UHRF2: variants seen among roughly 807,000 people sequenced by gnomAD.
The protein encoded by UHRF2 is E3 ubiquitin-protein ligase UHRF2.
UHRF2 carries 23 observed loss-of-function variants against 96.8 expected under a neutral mutation model. The observed-to-expected ratio is 0.24, with a 90% CI of 0.17 to 0.34. The LOEUF is 0.34. Among genes scored for constraint, UHRF2 ranks in the 10% least tolerant of loss-of-function variants. UHRF2 has a pLI of 1.00. For synonymous variants in UHRF2, 385 were observed against 332.6 expected (o/e 1.16, Z -1.72); for missense variants, 685 against 981.5 (o/e 0.70, Z 4.04).
At chr9:6,480,307 T>C (rs1823844343) in intron 6 of UHRF2, among the ~76,000 whole-genome samples, 1 of 152,232 alleles carries the variant, frequency 6.6e-6, no homozygotes, top group African/African-American at 2.4e-5. Flanking sequence ...CTTTCTGAAA[T>C]TCTTTCCGTA....
intron 3 of UHRF2, among the ~76,000 whole-genome samples, chr9:6,434,593 C>T (rs1820728838): frequency 6.6e-6 from 1 of 151,612 alleles, no homozygotes; most frequent in South Asian, 2.1e-4. Flanking sequence ...TGCATATCAC[C>T]ACGCCTGATT....
At chr9:6,480,222 G>C (rs1011814505) in intron 6 of UHRF2, among the ~76,000 whole-genome samples, 2 of 152,096 alleles carry the variant, frequency 1.3e-5, no homozygotes, top group Non-Finnish European at 2.9e-5. Flanking sequence ...GCTTTTCTTA[G>C]GTTATCTACT....
intron 3 of UHRF2, among the ~76,000 whole-genome samples, chr9:6,444,403 C>G (rs748386086): frequency 6.6e-6 from 1 of 152,176 alleles, no homozygotes; most frequent in Non-Finnish European, 1.5e-5. Flanking sequence ...TCACTTAGTA[C>G]TTAGAAAAAG....
chr9:6,481,887 C>T (rs1823949981), intron 7 of UHRF2, 105 bp from the exon 8 acceptor site: 1 of 1,535,288 alleles, frequency 6.5e-7, no homozygotes, highest in Non-Finnish European at 8.8e-7. Context: ...ATCAATGGTA[C>T]TTAAATTACA....
At chr9:6,460,535 T>G in intron 3 of UHRF2, 38 bp from the exon 4 acceptor site, 1 of 1,525,440 alleles carries the variant, frequency 6.6e-7, no homozygotes. Flanking sequence ...TTAGTTGTCT[T>G]TGGTAATCAT....
chr9:6,454,000 A>G (rs1408061884), intron 3 of UHRF2, among the ~76,000 whole-genome samples: 3 of 150,776 alleles, frequency 2.0e-5, no homozygotes, highest in African/African-American at 7.3e-5. Flanking sequence ...TTATTTCTGC[A>G]TAATAAAAAA....
intron 9 of UHRF2, among the ~76,000 whole-genome samples, chr9:6,488,672 TTG>T (rs1448088354): frequency 6.6e-6 from 1 of 151,034 alleles, no homozygotes; most frequent in South Asian, 2.1e-4. Context: ...CGGTTAATTT[TTG>T]TGTTTTTACT....
chr9:6,450,311 C>CT (rs922435663), intron 3 of UHRF2, among the ~76,000 whole-genome samples: 8 of 145,504 alleles, frequency 5.5e-5, no homozygotes, highest in African/African-American at 2.0e-4. Context: ...CCTTCCCCCC[C>CT]CCCCATTTAT....
intron 4 of UHRF2, chr9:6,468,854 T>C (rs968645750): frequency 1.9e-5 from 7 of 364,370 alleles, no homozygotes; most frequent in African/African-American, 1.5e-4. Context: ...TTAAAGACTG[T>C]AAACCAGCCT....
intron 3 of UHRF2, among the ~76,000 whole-genome samples, chr9:6,445,998 T>TTTTTTTC (rs772184475): frequency 3.1e-5 from 4 of 129,954 alleles, no homozygotes; most frequent in East Asian, 2.6e-4. Context: ...TTTTTTTTTT[T>TTTTTTTC]TTCCTGTTTT....
chr9:6,489,289 C>G (rs1824509424), intron 9 of UHRF2, among the ~76,000 whole-genome samples: 2 of 152,190 alleles, frequency 1.3e-5, no homozygotes, highest in South Asian at 2.1e-4. Flanking sequence ...GTGGATGTAC[C>G]ACAGTTCATT....
At chr9:6,440,527 A>G (rs928316306) in intron 3 of UHRF2, among the ~76,000 whole-genome samples, 1 of 152,174 alleles carries the variant, frequency 6.6e-6, no homozygotes, top group Non-Finnish European at 1.5e-5. Flanking sequence ...AGAGGTCAAC[A>G]TTTTATATAA....
chr9:6,431,761 A>T (rs1820574385), intron 2 of UHRF2, among the ~76,000 whole-genome samples: 1 of 152,170 alleles, frequency 6.6e-6, no homozygotes. Flanking sequence ...CAGCTATTAG[A>T]TCTGCCTGCT....
chr9:6,459,118 A>G (rs1416876289), intron 3 of UHRF2, among the ~76,000 whole-genome samples: 1 of 152,204 alleles, frequency 6.6e-6, no homozygotes, highest in African/African-American at 2.4e-5. Flanking sequence ...CCTAATGTAG[A>G]TGACAGGTTG....
chr9:6,495,156 A>T (rs1451774532), intron 10 of UHRF2: 1 of 152,204 alleles, frequency 6.6e-6, no homozygotes, highest in East Asian at 1.9e-4. Context: ...GCTTGAAAGG[A>T]ACTTCCTTCA....
In UHRF2 at chr9:6,420,778, G is replaced by C. The variant is rs1401038226; in HGVS notation, c.154-134G>C. On this transcript the variant is annotated intron_variant, in intron 1 of 15. Transcript: ENST00000276893. Reference sequence around the variant, plus strand: ...AGACACTGACATCAGAGGCCATTAAGTATTAAGAATGGTTTTAAAATCTCT... The same window carrying C: ...AGACACTGACATCAGAGGCCATTAACTATTAAGAATGGTTTTAAAATCTCT... 6 of 656,670 alleles carry C rather than the reference G, an allele frequency of 9.1e-6. No homozygotes were observed. In the African/African-American group the frequency reaches 1.1e-4, roughly 12 times the overall value. 40.7% of individuals were successfully genotyped at this position (656,670 alleles called of 1,614,324 possible). A position where few individuals can be genotyped will look rare whatever the true frequency, so the allele number is the denominator to read the frequency against.
intron 6 of UHRF2, among the ~76,000 whole-genome samples, chr9:6,480,148 C>T (rs982837397): frequency 7.9e-5 from 12 of 152,180 alleles, no homozygotes; most frequent in African/African-American, 2.9e-4. Flanking sequence ...TTGTCTTCCT[C>T]AAAGCATACC....
chr9:6,454,657 C>T (rs536580371), intron 3 of UHRF2, among the ~76,000 whole-genome samples: 14 of 152,144 alleles, frequency 9.2e-5, no homozygotes, highest in African/African-American at 3.1e-4. Flanking sequence ...TTACATAGTC[C>T]TTGTTTGATT....
intron 9 of UHRF2, among the ~76,000 whole-genome samples, chr9:6,493,017 C>G (rs1490362573): frequency 6.6e-6 from 1 of 151,900 alleles, no homozygotes; most frequent in African/African-American, 2.4e-5. Context: ...AATATGAAAG[C>G]CAGGGCGCAG....
Sources: gnomAD v4.1 joint callset for allele counts (sites outside exome capture counted in the v4.1 genomes callset) on GRCh38, gnomAD v4.1.1 for gene constraint, MANE v1.5 for transcripts, NCBI Gene and HGNC (gene_info 2026-07-23, HGNC 2026-07-21) for gene names.